Variants in BZW2 observed in about 807,000 individuals in gnomAD.
BZW2 encodes the protein basic leucine zipper and W2 domains 2.
In BZW2, 23 loss-of-function variants were observed where a neutral mutation model predicts 53.2. The ratio of observed to expected loss-of-function variants is 0.43; its 90% CI spans 0.31 to 0.61. The LOEUF is 0.61. Among genes scored for constraint, BZW2 ranks in the 20% least tolerant of loss-of-function variants. The pLI is 0.09. For missense variants in BZW2, 409 were observed against 503.1 expected (o/e 0.81, Z 1.79); for synonymous variants, 227 against 186.4 (o/e 1.22, Z -1.77).
intron 1 of BZW2, among the ~76,000 whole-genome samples, chr7:16,657,333 T>C (rs1782148488): frequency 6.6e-6 from 1 of 152,218 alleles, no homozygotes; most frequent in South Asian, 2.1e-4. Flanking sequence ...GTATATAGAA[T>C]ATTGCATTTT....
chr7:16,686,626 A>G (rs1222297148), intron 6 of BZW2: 1 of 152,532 alleles, frequency 6.6e-6, no homozygotes, highest in Non-Finnish European at 1.5e-5. Context: ...TTGTAGGAGG[A>G]TAATGATAGT....
chr7:16,656,052 C>T (rs1782112279), intron 1 of BZW2, among the ~76,000 whole-genome samples: 1 of 151,426 alleles, frequency 6.6e-6, no homozygotes, highest in Admixed American at 6.6e-5. Context: ...TATACTCCAA[C>T]TTCTTAGGTT....
chr7:16,653,328 A>T (rs1369408980), intron 1 of BZW2, among the ~76,000 whole-genome samples: 1 of 152,126 alleles, frequency 6.6e-6, no homozygotes, highest in Non-Finnish European at 1.5e-5. Context: ...CCATGATTAA[A>T]AATCCTCTGA....
chr7:16,662,031 C>T (rs959041142), intron 1 of BZW2: 3 of 152,086 alleles, frequency 2.0e-5, no homozygotes, highest in Admixed American at 6.6e-5. Flanking sequence ...TAGGTTGAAG[C>T]GAGCAGTTTC....
At position 16,674,361 on chromosome 7, in the gene BZW2, C is replaced by T. The variant is rs117913417; in HGVS notation, c.59-51C>T. 1.0e-3 allele frequency: 1,406 copies of T among 1,344,822 alleles called. 18 individuals are homozygous for T. In the East Asian group the frequency reaches 0.024, roughly 23 times the overall value. 83.3% of individuals were successfully genotyped at this position (1,344,822 alleles called of 1,614,324 possible). A position where few individuals can be genotyped will look rare whatever the true frequency, so the allele number is the denominator to read the frequency against. On this transcript the variant is annotated intron_variant, in intron 2 of 11. Transcript: ENST00000258761. ...GAATTAAAGTTTTGATTGTTATACT[C>T]TCAGTATTTATTTATTTATTTGACT...
chr7:16,662,694 A>C (rs1782301820), intron 1 of BZW2, among the ~76,000 whole-genome samples: 1 of 152,158 alleles, frequency 6.6e-6, no homozygotes. Context: ...AGATGAGAGA[A>C]TTGCTTGAGT....
At position 16,658,032 on chromosome 7, in the gene BZW2, G is replaced by A. The variant is rs192691222; in HGVS notation, c.-7-7405G>A. 3.9e-4 allele frequency among the ~76,000 whole-genome samples: 59 copies of A among 152,306 alleles called. 1 individual carries two copies. The East Asian group carries it at 8.1e-3, about 21-fold the overall frequency. On this transcript the variant is annotated intron_variant, in intron 1 of 11. Transcript: ENST00000258761. ...GTATATGTGTTTGTGTCTTCAGAGTGTTGAAAGACCTAAGAATGACATCAG... is the reference window on the plus strand; with the variant it reads ...GTATATGTGTTTGTGTCTTCAGAGTATTGAAAGACCTAAGAATGACATCAG...
At chr7:16,648,383 A>G (rs1781918035) in intron 1 of BZW2, among the ~76,000 whole-genome samples, 1 of 152,260 alleles carries the variant, frequency 6.6e-6, no homozygotes, top group African/African-American at 2.4e-5. Flanking sequence ...ACAGAAAGTA[A>G]GGGAAATAAT....
chr7:16,699,549 A>C (rs1397615887), intron 10 of BZW2, among the ~76,000 whole-genome samples: 8 of 152,210 alleles, frequency 5.3e-5, no homozygotes, highest in African/African-American at 1.9e-4. Flanking sequence ...TAAACTAGTT[A>C]GTTACCTGAA....
chr7:16,689,711 CATTTCAGGAA>C (rs1205952992), intron 6 of BZW2, 76 bp from the exon 7 acceptor site: 4 of 1,087,086 alleles, frequency 3.7e-6, no homozygotes, highest in Non-Finnish European at 5.2e-6. Context: ...GTTATTTACA[CATTTCAGGAA>C]ACCTGGTTGC....
chr7:16,672,271 A>G (rs565344789), intron 2 of BZW2, among the ~76,000 whole-genome samples: 1 of 151,914 alleles, frequency 6.6e-6, no homozygotes. Flanking sequence ...TTGTTTTCTC[A>G]TTCTGTCTAT....
chr7:16,699,675 T>A (rs1281736085), intron 10 of BZW2, among the ~76,000 whole-genome samples: 1 of 152,206 alleles, frequency 6.6e-6, no homozygotes, highest in Non-Finnish European at 1.5e-5. Context: ...CCTATCGTAT[T>A]ATTGTAATGA....
chr7:16,668,988 A>G (rs1782518471), intron 2 of BZW2, among the ~76,000 whole-genome samples: 1 of 152,170 alleles, frequency 6.6e-6, no homozygotes, highest in Non-Finnish European at 1.5e-5. Context: ...TAATAATCAA[A>G]CTGTTCTTTC....
chr7:16,684,563 AATTTT>A (rs1459736383), intron 5 of BZW2, among the ~76,000 whole-genome samples: 1 of 152,164 alleles, frequency 6.6e-6, no homozygotes, highest in Non-Finnish European at 1.5e-5. Context: ...GTGGTGTTAA[AATTTT>A]ATTTTAGAGG....
chr7:16,679,421 G>C (rs1343136185), intron 3 of BZW2, among the ~76,000 whole-genome samples: 1 of 152,194 alleles, frequency 6.6e-6, no homozygotes, highest in Non-Finnish European at 1.5e-5. Context: ...ATTTAAAAGG[G>C]CTAATTAAAT....
At position 16,655,788 on chromosome 7, in the gene BZW2, G is replaced by A. The variant is rs80230062; in HGVS notation, c.-8+9500G>A. Reference sequence around the variant, plus strand: ...TATGATATTTGCCTCCCAAAGTGCTGGGATTACAGATCGGAGCCACCATGC... The same window carrying A: ...TATGATATTTGCCTCCCAAAGTGCTAGGATTACAGATCGGAGCCACCATGC... On this transcript the variant is annotated intron_variant, in intron 1 of 11. Transcript: ENST00000258761. Among the ~76,000 whole-genome samples, 860 of 152,118 alleles carry A rather than the reference G, an allele frequency of 5.7e-3. 11 individuals carry two copies. Among genetic ancestry groups the A allele is most frequent in the African/African-American group, 0.02 (824 of 41,494 alleles).
At chr7:16,701,407 T>G (rs1783662975) in intron 10 of BZW2, among the ~76,000 whole-genome samples, 1 of 152,184 alleles carries the variant, frequency 6.6e-6, no homozygotes, top group South Asian at 2.1e-4. Flanking sequence ...CTATCCTGCA[T>G]GCAAATTTTT....
intron 6 of BZW2, among the ~76,000 whole-genome samples, chr7:16,687,788 A>G (rs1783172661): frequency 1.3e-5 from 2 of 152,174 alleles, no homozygotes; most frequent in South Asian, 4.1e-4. Context: ...CCAATAAATG[A>G]CCAAGGGAGA....
At chr7:16,680,866 G>A (rs1199422452) in intron 3 of BZW2, among the ~76,000 whole-genome samples, 1 of 152,158 alleles carries the variant, frequency 6.6e-6, no homozygotes, top group Non-Finnish European at 1.5e-5. Flanking sequence ...AGCACTTTGG[G>A]AGGCTGAGGT....
Sources: allele counts gnomAD v4.1 joint callset (sites outside exome capture counted in the v4.1 genomes callset), GRCh38; gene constraint gnomAD v4.1.1; transcripts MANE v1.5; gene names NCBI Gene and HGNC (gene_info 2026-07-23, HGNC 2026-07-21).